Variants in STKLD1 observed in about 807,000 individuals in gnomAD.
STKLD1 encodes the protein serine/threonine kinase-like domain-containing protein STKLD1.
A neutral mutation model predicts 80.4 loss-of-function variants in STKLD1; 79 were observed. The observed-to-expected ratio is 0.98, with a 90% CI of 0.82 to 1.19. The LOEUF (loss-of-function observed/expected upper bound fraction) is 1.19, where lower values mean the gene tolerates loss of function less well. Among genes scored for constraint, STKLD1 ranks in the 50% most tolerant of loss-of-function variants. The pLI is 0.00. For synonymous variants in STKLD1, 393 were observed against 357.6 expected, an observed-to-expected ratio of 1.10 and a Z score of -1.12; for missense variants, 841 against 856.0, an observed-to-expected ratio of 0.98 and a Z score of 0.22.
At chr9:133,388,805 AG>A (rs2119218344) in intron 5 of STKLD1, 2 of 985,408 alleles carry the variant, frequency 2.0e-6, no homozygotes, top group South Asian at 9.4e-5. Context: ...TGTACCCCTG[AG>A]GGGCTCTTCG....
At chr9:133,399,267 CATCCGTCT>C (rs1838635861) in intron 11 of STKLD1, among the ~76,000 whole-genome samples, 1 of 152,240 alleles carries the variant, frequency 6.6e-6, no homozygotes, top group Admixed American at 6.5e-5. Context: ...TCCACCCATC[CATCCGTCT>C]GTCTATCCAT....
intron 1 of STKLD1, among the ~76,000 whole-genome samples, chr9:133,378,796 G>A (rs1176999526): frequency 1.3e-5 from 2 of 152,106 alleles, no homozygotes; most frequent in Non-Finnish European, 2.9e-5. Flanking sequence ...GTTGGGGGAG[G>A]GATACAGGGT....
In STKLD1 at chr9:133,385,241, C is replaced by T. The variant is rs2130274084; in HGVS notation, c.220-376C>T. On this transcript the variant is annotated intron_variant, in intron 3 of 17. Transcript: ENST00000371957. The surrounding 1 kb of genome is among the most constrained non-coding windows in gnomAD (Gnocchi z 4.9). The stretch of plus-strand genomic sequence containing the variant: ...CAGGGCAGGGGCACCGGGACCTCTC[C>T]GTGTGCCCACCTCCCGGTGTCTGCA... 0.062 allele frequency among the ~76,000 whole-genome samples: 9,504 copies of T among 152,222 alleles called. 415 individuals carry two copies. Among genetic ancestry groups the T allele is most frequent in the African/African-American group, 0.12 (4,935 of 41,498 alleles).
At position 133,397,238 on chromosome 9, in the gene STKLD1, T is replaced by G. The variant is rs901747111; in HGVS notation, c.941T>G (p.Met314Arg). The G allele has an allele frequency of 6.2e-7, 1 of 1,613,926 alleles. No homozygotes were observed. Among genetic ancestry groups the G allele is most frequent in the Non-Finnish European group, 8.5e-7 (1 of 1,179,998 alleles). ...GTCTCTCTGACCCTGCACCGGCAGA[T>G]GGTGCCTGCGTCCATCACCGACATG... is the stretch of plus-strand genomic sequence containing the variant. ...SCVSLTLHRQ[M>R]VPASITDMLL... is the part of the protein sequence containing the mutation. The change falls in exon 10 of 18, where the codon ATG (methionine) becomes AGG (arginine). Residue 314 changes from methionine (M) to arginine (R), a missense_variant. Coordinates refer to ENST00000371957, the MANE Select transcript of STKLD1 (RefSeq NM_153710.5).
Position 133,376,373 on chromosome 9 carries a change from T to G in STKLD1, c.-101T>G. On this transcript the variant is annotated 5_prime_UTR_variant, in exon 1 of 18. Transcript: ENST00000371957. Reference sequence around the variant, plus strand: ...CGCGCGGGAGGGACGCCTGAGTGCCTCGAGGGCGCCGTTCGGGCGGGGAGG... The same window carrying G: ...CGCGCGGGAGGGACGCCTGAGTGCCGCGAGGGCGCCGTTCGGGCGGGGAGG... 7.1e-7 allele frequency: 1 copy of G among 1,410,792 alleles called. No homozygotes were observed. 87.4% of individuals were successfully genotyped at this position (1,410,792 alleles called of 1,614,324 possible). A position where few individuals can be genotyped will look rare whatever the true frequency, so the allele number is the denominator to read the frequency against.
In STKLD1 at chr9:133,397,956, CT is replaced by C; in HGVS notation, c.998-14del. The C allele has an allele frequency of 6.2e-7, 1 of 1,608,688 alleles. No homozygotes were observed. The highest frequency in any genetic ancestry group is 8.5e-7 in the Non-Finnish European group (1 of 1,176,368). On this transcript the variant is annotated splice_polypyrimidine_tract_variant and intron_variant, in intron 10 of 17. Coordinates refer to ENST00000371957, the MANE Select transcript of STKLD1 (RefSeq NM_153710.5). ...GTCCTCAGAAAGGTCCCTCCCCTGCCTTCCTGTCCCTGCAGAGGTCATGCAG... is the reference window on the plus strand; with the variant it reads ...GTCCTCAGAAAGGTCCCTCCCCTGCCTCCTGTCCCTGCAGAGGTCATGCAG...
Position 133,405,346 on chromosome 9 carries a change from C to T in STKLD1, c.1968C>T (p.Ser656=), listed in dbSNP as rs782671352. The T allele has an allele frequency of 2.8e-5, 45 of 1,612,620 alleles. No homozygotes were observed. Among genetic ancestry groups the T allele is most frequent in the South Asian group, 9.9e-5 (9 of 91,052 alleles). The change falls in exon 18 of 18, where the codon AGC becomes AGT. Residue 656 remains serine, a synonymous_variant. Coordinates refer to ENST00000371957, the MANE Select transcript of STKLD1 (RefSeq NM_153710.5). ...CCTCCAGCCTGGTGAGTGACAGCAGCGCCTTCAGCAAACCAGGCCTCCCTC... is the reference window on the plus strand; with the variant it reads ...CCTCCAGCCTGGTGAGTGACAGCAGTGCCTTCAGCAAACCAGGCCTCCCTC... ...RFTSSLVSDS[S]AFSKPGLPPG...
At chr9:133,387,305 G>A (rs1588741707) in intron 4 of STKLD1, 142 bp from the exon 5 acceptor site, 4 of 618,280 alleles carry the variant, frequency 6.5e-6, no homozygotes, top group East Asian at 5.5e-5. Flanking sequence ...GGGGCAGGAG[G>A]GGCTTGTAGC....
chr9:133,404,811 G>A lies in STKLD1; in HGVS notation c.1755G>A (p.Val585=). 1.2e-6 allele frequency: 2 copies of A among 1,613,080 alleles called. No homozygotes were observed. Among genetic ancestry groups the A allele is most frequent in the Non-Finnish European group, 1.7e-6 (2 of 1,179,718 alleles). ...KVSELAAFKV[V]VQEEGGSGLS... ...CAGAGCTGGCGGCCTTCAAGGTGGT[G>A]GTGCAGGAGGAGGGCGGCAGTGGCC... The change falls in exon 17 of 18, where the codon GTG becomes GTA. Residue 585 remains valine, a synonymous_variant. Transcript: ENST00000371957.
Position 133,383,776 on chromosome 9 carries a change from G to A in STKLD1, c.175-80G>A, listed in dbSNP as rs1554774987. 44 of 1,362,630 alleles carry A rather than the reference G, an allele frequency of 3.2e-5. 1 individual carries two copies. The highest frequency in any genetic ancestry group is 1.3e-4 in the Admixed American group (8 of 59,534). The allele number at this position is 1,362,630 out of a possible 1,614,324, so 84.4% of individuals were successfully genotyped here. A position where few individuals can be genotyped will look rare whatever the true frequency, so the allele number is the denominator to read the frequency against. ...GGCTGTGCAGATGATGGTAATGGTC[G>A]TTGTGGTGGTGGTGATGGCGGTGAT... is the stretch of plus-strand genomic sequence containing the variant. On this transcript the variant is annotated intron_variant, in intron 2 of 17. Transcript: ENST00000371957.
intron 2 of STKLD1, among the ~76,000 whole-genome samples, 169 bp downstream of exon 2, chr9:133,379,291 G>A (rs1838077936): frequency 6.6e-6 from 1 of 152,166 alleles, no homozygotes; most frequent in Non-Finnish European, 1.5e-5. Context: ...GGTGCGTGAA[G>A]CTCTGTCACC....
rs377104645 is a variant in STKLD1 at position 133,395,600 on chromosome 9, G to C, written c.703G>C (p.Gly235Arg). The C allele has an allele frequency of 1.2e-6, 2 of 1,612,742 alleles. No homozygotes were observed. The highest frequency in any genetic ancestry group is 1.1e-5 in the South Asian group (1 of 91,068). The change falls in exon 9 of 18, where the codon GGC becomes CGC. Residue 235 changes from glycine (G) to arginine (R), a missense_variant and splice_region_variant. Transcript: ENST00000371957. The part of the protein sequence containing the change: ...LDMTSCSFMD[G>R]TEAMHLRKSL... Reference sequence around the variant, plus strand: ...ACAGAGCTGTCCTCTCTCCGTGCAGGGCACAGAAGCCATGCATCTGCGGAA... The same window carrying C: ...ACAGAGCTGTCCTCTCTCCGTGCAGCGCACAGAAGCCATGCATCTGCGGAA...
At chr9:133,376,696 T>G in intron 1 of STKLD1, 136 bp downstream of exon 1, 1 of 722,032 alleles carries the variant, frequency 1.4e-6, no homozygotes, top group Non-Finnish European at 2.2e-6. Flanking sequence ...GCTCCTAGGT[T>G]GAACCCGGGG....
At chr9:133,378,992 AGTT>A (rs1418640320) in intron 1 of STKLD1, 41 bp from the exon 2 acceptor site, 3 of 1,570,426 alleles carry the variant, frequency 1.9e-6, no homozygotes, top group East Asian at 2.3e-5. Flanking sequence ...GAAAGGGAAA[AGTT>A]GTGTGCATTT....
At chr9:133,388,266 TGA>T (rs1255213136) in intron 5 of STKLD1, among the ~76,000 whole-genome samples, 1 of 152,120 alleles carries the variant, frequency 6.6e-6, no homozygotes, top group Non-Finnish European at 1.5e-5. Context: ...TTGTTGTTGT[TGA>T]GATGGAGTCT....
chr9:133,394,032 G>C lies in STKLD1; in HGVS notation c.584-259G>C. ...GGCACACAGACACACCACCTATATG[G>C]GCCAGCCTGGTGGGCACCCACCAAG... On this transcript the variant is annotated intron_variant, in intron 7 of 17. Coordinates refer to ENST00000371957, the MANE Select transcript of STKLD1 (RefSeq NM_153710.5). This position sits in a 1 kb window ranked among gnomAD's most constrained non-coding sequence, Gnocchi z 4.9. The C allele has an allele frequency of 2.1e-6, 1 of 487,520 alleles. No individual in the cohort carries two copies. Among genetic ancestry groups the C allele is most frequent in the Admixed American group, 3.4e-5 (1 of 29,678 alleles). The allele number at this position is 487,520 out of a possible 1,614,324, so 30.2% of individuals were successfully genotyped here. A position where few individuals can be genotyped will look rare whatever the true frequency, so the allele number is the denominator to read the frequency against.
chr9:133,404,514 C>T (rs1020286941), intron 16 of STKLD1, among the ~76,000 whole-genome samples: 18 of 152,208 alleles, frequency 1.2e-4, no homozygotes, highest in African/African-American at 3.1e-4. Flanking sequence ...CTGGCAACTC[C>T]GGGCTCATGG....
intron 5 of STKLD1, chr9:133,387,753 C>G (rs1382407326): frequency 3.0e-6 from 2 of 673,710 alleles, no homozygotes; most frequent in African/African-American, 3.5e-5. Flanking sequence ...CAACTTCCAC[C>G]CAGATCAAGA....
rs2130250262 is a variant in STKLD1, at chr9:133,376,641, C to T, written c.87+81C>T. The T allele has an allele frequency of 1.7e-4, 230 of 1,315,116 alleles. 1 individual carries two copies. In the South Asian group the frequency reaches 3.0e-3, roughly 17 times the overall value. The allele number at this position is 1,315,116 out of a possible 1,614,324, so 81.5% of individuals were successfully genotyped here. On this transcript the variant is annotated intron_variant, in intron 1 of 17. Transcript: ENST00000371957. ...CTGGAGCTACGGCCGGCGGTTCCGA[C>T]CGAGGGCGGCGAGGGGCCCGCGCCC...
Sources: allele counts gnomAD v4.1 joint callset (sites outside exome capture counted in the v4.1 genomes callset), GRCh38; gene constraint gnomAD v4.1.1; non-coding constraint Gnocchi (gnomAD v3.1); transcripts MANE v1.5; gene names NCBI Gene and HGNC (gene_info 2026-07-23, HGNC 2026-07-21).